ST14: variants seen among roughly 807,000 people sequenced by gnomAD.
The protein encoded by ST14 is ST14 transmembrane serine protease matriptase.
In ST14, 40 loss-of-function variants were observed where a neutral mutation model predicts 96.5. That is an observed-to-expected ratio of 0.41 (90% CI 0.32 to 0.54). ST14 has a LOEUF of 0.54. Among genes scored for constraint, ST14 ranks in the 20% least tolerant of loss-of-function variants. The pLI is 0.17. For missense variants in ST14, 1,066 were observed against 1,188.9 expected (o/e 0.90, Z 1.52); for synonymous variants, 506 against 492.1 (o/e 1.03, Z -0.37).
chr11:130,189,365 A>T, intron 4 of ST14: 1 of 444,260 alleles, frequency 2.3e-6, no homozygotes, highest in Non-Finnish European at 4.1e-6. Context: ...GTTCGTTTGA[A>T]CCCTGGGGAA....
intron 7 of ST14, among the ~76,000 whole-genome samples, chr11:130,192,760 C>G (rs1343801361): frequency 1.3e-5 from 2 of 152,182 alleles, no homozygotes; most frequent in Admixed American, 6.6e-5. Context: ...TTATCCCGTG[C>G]ATTCAGTCTC....
At chr11:130,166,328 G>A (rs557448935) in intron 1 of ST14, among the ~76,000 whole-genome samples, 2 of 152,326 alleles carry the variant, frequency 1.3e-5, no homozygotes, top group South Asian at 4.1e-4. Context: ...TGGACAAGGT[G>A]TTTTATTGGC....
In ST14 at chr11:130,209,565, T is replaced by C. The variant is rs1482691119; in HGVS notation, c.2393T>C (p.Val798Ala). 1.9e-6 allele frequency: 3 copies of C among 1,576,076 alleles called. No individual in the cohort carries two copies. The African/African-American group carries it at 4.0e-5, about 21-fold the overall frequency. Residue 798 changes from valine to alanine, a missense_variant, in exon 18 of 19, where the codon GTG (valine) becomes GCG (alanine). Physicochemically the swap from Val to Ala is moderately conservative, Grantham distance 64. Coordinates refer to ENST00000278742, the MANE Select transcript of ST14 (RefSeq NM_021978.4). ...TGCGTGGGCTTCCTCAGCGGCGGCG[T>C]GGACTCCTGCCAGGTGGCCCCCGGG... ...MMCVGFLSGGVDSCQGDSGGP... is the reference protein window; with the variant it reads ...MMCVGFLSGGADSCQGDSGGP...
chr11:130,170,794 G>A (rs1953085256), intron 1 of ST14, among the ~76,000 whole-genome samples: 2 of 152,102 alleles, frequency 1.3e-5, no homozygotes, highest in South Asian at 4.1e-4. Context: ...GCACAGCAGG[G>A]GCCCGTCTCT....
chr11:130,202,690 A>T (rs1219735434), intron 16 of ST14, among the ~76,000 whole-genome samples: 2 of 152,220 alleles, frequency 1.3e-5, no homozygotes, highest in Non-Finnish European at 1.5e-5. Context: ...TTCATTGGGC[A>T]CTGCCGGGAG....
At chr11:130,197,570 T>A (rs986182072) in intron 11 of ST14, among the ~76,000 whole-genome samples, 1 of 152,182 alleles carries the variant, frequency 6.6e-6, no homozygotes, top group Admixed American at 6.5e-5. Context: ...GCAGGGCACC[T>A]GGGGCTTCCT....
rs969791242 is a variant in ST14 at position 130,208,493 on chromosome 11, G to A, written c.2078G>A (p.Arg693Lys). The change falls in exon 17 of 19, where the codon AGG becomes AAG. Residue 693 changes from arginine to lysine, a missense_variant. Arg to Lys is a conservative substitution (Grantham distance 26). Coordinates refer to ENST00000278742, the MANE Select transcript of ST14 (RefSeq NM_021978.4). Reference protein sequence around the residue: ...QRSAPGVQERRLKRIISHPFF... With the variant: ...QRSAPGVQERKLKRIISHPFF... Reference sequence around the variant, plus strand: ...AGCGCCCCTGGGGTGCAGGAGCGCAGGCTCAAGCGCATCATCTCCCACCCC... The same window carrying A: ...AGCGCCCCTGGGGTGCAGGAGCGCAAGCTCAAGCGCATCATCTCCCACCCC... 19 of 1,614,240 alleles carry A rather than the reference G, an allele frequency of 1.2e-5. No homozygotes were observed. Among genetic ancestry groups the A allele is most frequent in the Non-Finnish European group, 1.5e-5 (18 of 1,180,042 alleles).
At chr11:130,183,081 C>T (rs1322898905) in intron 1 of ST14, among the ~76,000 whole-genome samples, 5 of 151,946 alleles carry the variant, frequency 3.3e-5, no homozygotes, top group East Asian at 1.9e-4. Flanking sequence ...CTCAGCCCCC[C>T]GAGTAGCTGG....
At chr11:130,167,777 C>T (rs559138308) in intron 1 of ST14, among the ~76,000 whole-genome samples, 16 of 152,058 alleles carry the variant, frequency 1.1e-4, no homozygotes, top group South Asian at 4.2e-4. Flanking sequence ...TGCAGTGGCG[C>T]GATCTCGGCT....
intron 4 of ST14, chr11:130,189,194 C>G: frequency 1.7e-6 from 1 of 578,462 alleles, no homozygotes; most frequent in Non-Finnish European, 3.1e-6. Flanking sequence ...ATGCCAGGAA[C>G]GGCTGTGATT....
chr11:130,200,261 T>TTA, intron 16 of ST14, 124 bp downstream of exon 16: 2 of 1,111,254 alleles, frequency 1.8e-6, no homozygotes, highest in Non-Finnish European at 2.6e-6. Flanking sequence ...AGTCCATTCT[T>TTA]GAGTTGCTCT....
At position 130,196,523 on chromosome 11, in the gene ST14, C is replaced by T. The variant is rs57499196; in HGVS notation, c.1224-47C>T. On this transcript the variant is annotated intron_variant, in intron 10 of 18. Coordinates refer to ENST00000278742, the MANE Select transcript of ST14 (RefSeq NM_021978.4). ...GGGTCCCACCAGACCCCCAGCCCCC[C>T]GGCTCCCAGCTGTCCCTCCTCACCT... The T allele has an allele frequency of 5.1e-3, 7,880 of 1,534,348 alleles. 323 individuals carry two copies. In the African/African-American group the frequency reaches 0.092, roughly 18 times the overall value.
intron 1 of ST14, among the ~76,000 whole-genome samples, chr11:130,185,302 T>G (rs573244785): frequency 2.6e-5 from 4 of 151,844 alleles, no homozygotes; most frequent in Non-Finnish European, 5.9e-5. Flanking sequence ...AGATGGATAA[T>G]ACAGAGAAAG....
chr11:130,197,553 CCT>C (rs1953380253), intron 11 of ST14, among the ~76,000 whole-genome samples: 1 of 152,220 alleles, frequency 6.6e-6, no homozygotes, highest in African/African-American at 2.4e-5. Context: ...GACCAGCTGG[CCT>C]CTCTGCAGGG....
At chr11:130,207,653 G>A (rs368260126) in intron 16 of ST14, among the ~76,000 whole-genome samples, 7 of 152,234 alleles carry the variant, frequency 4.6e-5, no homozygotes, top group East Asian at 1.9e-4. Context: ...GGTGGGCTCC[G>A]GCTCTGCAGT....
chr11:130,176,918 C>A (rs1953143797), intron 1 of ST14, among the ~76,000 whole-genome samples: 1 of 150,594 alleles, frequency 6.6e-6, no homozygotes, highest in African/African-American at 2.4e-5. Context: ...CCTGCTTCAG[C>A]CTCCTGAGTA....
chr11:130,164,349 G>A (rs1290217932), intron 1 of ST14, among the ~76,000 whole-genome samples: 2 of 152,084 alleles, frequency 1.3e-5, no homozygotes, highest in African/African-American at 2.4e-5. Context: ...CATGGCTGAA[G>A]GGAAGTAAGA....
chr11:130,160,013 G>A lies in ST14; in HGVS notation c.34G>A (p.Gly12Ser), dbSNP rs1250585673. Reference protein sequence around the residue: ...GSDRARKGGGGPKDFGAGLKY... With the variant: ...GSDRARKGGGSPKDFGAGLKY... The stretch of plus-strand genomic sequence containing the variant: ...CGATCGGGCCCGCAAGGGCGGAGGG[G>A]GCCCGAAGGACTTCGGCGCGGGACT... Residue 12 changes from glycine (G) to serine (S), a missense_variant, in exon 1 of 19, where the codon GGC becomes AGC. Coordinates refer to ENST00000278742, the MANE Select transcript of ST14 (RefSeq NM_021978.4). 2.1e-6 allele frequency: 3 copies of A among 1,427,652 alleles called. No individual in the cohort carries two copies. The highest frequency in any genetic ancestry group is 3.1e-5 in the East Asian group (1 of 32,498). The allele number at this position is 1,427,652 out of a possible 1,614,324, so 88.4% of individuals were successfully genotyped here.
Position 130,174,743 on chromosome 11 carries a change from T to C in ST14, c.82-13371T>C, listed in dbSNP as rs550733591. ...TCTGTGGCCATAAAAAGAGCAGGACTTTGGCAGTTCACCCTCTGCTGTCAC... is the reference window on the plus strand; with the variant it reads ...TCTGTGGCCATAAAAAGAGCAGGACCTTGGCAGTTCACCCTCTGCTGTCAC... On this transcript the variant is annotated intron_variant, in intron 1 of 18. Coordinates refer to ENST00000278742, the MANE Select transcript of ST14 (RefSeq NM_021978.4). Among the ~76,000 whole-genome samples, 4 of 152,316 alleles carry C rather than the reference T, an allele frequency of 2.6e-5. No homozygotes were observed. The East Asian group carries it at 7.7e-4, about 29-fold the overall frequency.
Sources: gnomAD v4.1 joint callset for allele counts (sites outside exome capture counted in the v4.1 genomes callset) on GRCh38, gnomAD v4.1.1 for gene constraint, MANE v1.5 for transcripts, NCBI Gene and HGNC (gene_info 2026-07-23, HGNC 2026-07-21) for gene names.